Variants in PTER observed in about 807,000 individuals in gnomAD.
PTER encodes the protein N-acetyltaurine hydrolase.
Under a neutral mutation model 29.6 loss-of-function variants are expected in PTER, and 38 were observed. The observed-to-expected ratio is 1.28, with a 90% CI of 0.99 to 1.68. The LOEUF (loss-of-function observed/expected upper bound fraction) is 1.68, where lower values mean the gene tolerates loss of function less well. Ranked by LOEUF, PTER falls within the 40% of genes most tolerant of loss-of-function variation. The pLI is 0.00. For missense variants in PTER, 482 were observed against 427.8 expected, an observed-to-expected ratio of 1.13 and a Z score of -1.12; for synonymous variants, 172 against 154.5, an observed-to-expected ratio of 1.11 and a Z score of -0.84.
Position 16,486,360 on chromosome 10 carries a change from T to C in PTER, c.441T>C (p.Asp147=), listed in dbSNP as rs1835693411. 1.9e-6 allele frequency: 3 copies of C among 1,613,006 alleles called. No homozygotes were observed. The highest frequency in any genetic ancestry group is 1.1e-5 in the South Asian group (1 of 91,014). The change falls in exon 3 of 5, where the codon GAT becomes GAC. Residue 147 remains aspartate, a synonymous_variant. Transcript: ENST00000535784. ...TRAMSVEQLT[D]VLMNEILHGA... ...TTCTCACTCTTCCTTAGCTTACCGA[T>C]GTCCTTATGAATGAAATTCTCCATG...
downstream of PTER, among the ~76,000 whole-genome samples, chr10:16,515,114 G>A (rs114791720): frequency 2.0e-3 from 309 of 151,592 alleles, 2 homozygotes; most frequent in African/African-American, 6.9e-3. Context: ...CTGTTTATGA[G>A]TACAGAAGTT....
downstream of PTER, among the ~76,000 whole-genome samples, chr10:16,518,474 TG>T (rs1280526832): frequency 9.8e-5 from 15 of 152,336 alleles, no homozygotes; most frequent in Admixed American, 2.0e-4. Flanking sequence ...GGAATGTGTG[TG>T]CTAGTGTGAT....
rs962123715 is a variant in PTER, at chr10:16,437,662, G to A, written c.-49+615G>A. Among the ~76,000 whole-genome samples the A allele has an allele frequency of 3.3e-5, 5 of 152,140 alleles. No homozygotes were observed. In the East Asian group the frequency reaches 7.7e-4, roughly 24 times the overall value. On this transcript the variant is annotated intron_variant, in intron 1 of 4. Transcript: ENST00000535784. ...CAGTTTATAAAAGCCAATTACCAGC[G>A]GTCATATGTCTGAGTCCTGTGCACT...
At chr10:16,503,496 C>T (rs1023109363) in intron 3 of PTER, among the ~76,000 whole-genome samples, 2 of 152,120 alleles carry the variant, frequency 1.3e-5, no homozygotes, top group African/African-American at 4.8e-5. Flanking sequence ...CCTCCGTCTC[C>T]CAGGTTCAAG....
At chr10:16,470,723 G>T (rs894660546) in intron 1 of PTER, among the ~76,000 whole-genome samples, 26 of 152,206 alleles carry the variant, frequency 1.7e-4, no homozygotes, top group Admixed American at 1.2e-3. Flanking sequence ...AGCCAAGATT[G>T]TGCCACTCCA....
chr10:16,455,496 G>C (rs1834362840), intron 1 of PTER, among the ~76,000 whole-genome samples: 1 of 152,114 alleles, frequency 6.6e-6, no homozygotes, highest in Non-Finnish European at 1.5e-5. Flanking sequence ...TTTGAGACCA[G>C]CCTGGGCAAC....
intron 3 of PTER, among the ~76,000 whole-genome samples, chr10:16,500,808 A>G (rs971710222): frequency 2.4e-4 from 37 of 151,662 alleles, no homozygotes; most frequent in Admixed American, 2.2e-3. Context: ...TGGTGTGACC[A>G]TAGGTCACTG....
chr10:16,465,088 A>T (rs1834759543), intron 1 of PTER, among the ~76,000 whole-genome samples: 1 of 152,172 alleles, frequency 6.6e-6, no homozygotes, highest in Admixed American at 6.5e-5. Flanking sequence ...CCTCCATGAC[A>T]TATGGGAATT....
intron 1 of PTER, among the ~76,000 whole-genome samples, chr10:16,475,614 G>GCCCTAACC (rs1835232250): frequency 1.3e-5 from 2 of 152,120 alleles, no homozygotes; most frequent in South Asian, 4.1e-4. Context: ...GTAGAAGGGG[G>GCCCTAACC]CTACACAAGG....
At chr10:16,455,591 T>C (rs574661036) in intron 1 of PTER, among the ~76,000 whole-genome samples, 46 of 152,260 alleles carry the variant, frequency 3.0e-4, no homozygotes, top group Admixed American at 1.5e-3. Context: ...CTCAGGAGGC[T>C]GAGCGAGGTG....
At chr10:16,465,040 A>G (rs1834757545) in intron 1 of PTER, among the ~76,000 whole-genome samples, 1 of 152,192 alleles carries the variant, frequency 6.6e-6, no homozygotes, top group Admixed American at 6.5e-5. Flanking sequence ...AGCATGAGAA[A>G]GACCCACCCC....
At chr10:16,441,486 G>C (rs550295698) in intron 1 of PTER, among the ~76,000 whole-genome samples, 1 of 152,256 alleles carries the variant, frequency 6.6e-6, no homozygotes, top group African/African-American at 2.4e-5. Context: ...TAATGTCCTA[G>C]GGGCAGTGTG....
chr10:16,461,853 T>C (rs1834624795), intron 1 of PTER, among the ~76,000 whole-genome samples: 1 of 152,242 alleles, frequency 6.6e-6, no homozygotes, highest in South Asian at 2.1e-4. Context: ...TTTCATTATA[T>C]GCATTTCCAT....
intron 1 of PTER, among the ~76,000 whole-genome samples, chr10:16,473,517 C>A (rs1835132200): frequency 1.3e-5 from 1 of 77,470 alleles, no homozygotes; most frequent in African/African-American, 4.3e-5. Flanking sequence ...GAGACTCCAT[C>A]CGAAAAAAAA....
chr10:16,508,970 A>G (rs1158640793), intron 4 of PTER, among the ~76,000 whole-genome samples: 1 of 152,186 alleles, frequency 6.6e-6, no homozygotes, highest in Non-Finnish European at 1.5e-5. Context: ...GGTGTTCAGC[A>G]CCAGAAATTC....
chr10:16,497,503 G>A (rs575416796), intron 3 of PTER, among the ~76,000 whole-genome samples: 1 of 152,262 alleles, frequency 6.6e-6, no homozygotes, highest in South Asian at 2.1e-4. Flanking sequence ...ACAGAGAATA[G>A]CACAAGATAG....
intron 3 of PTER, among the ~76,000 whole-genome samples, chr10:16,494,202 T>G (rs1161071177): frequency 1.3e-5 from 2 of 152,220 alleles, no homozygotes; most frequent in East Asian, 3.8e-4. Context: ...CTTCCTGGGA[T>G]GTATAAACTG....
chr10:16,514,677 C>T (rs1455424606), downstream of PTER: 1 of 1,613,606 alleles, frequency 6.2e-7, no homozygotes, highest in African/African-American at 1.3e-5. Flanking sequence ...TAATTCTGAT[C>T]AGCATCTTGG....
At chr10:16,480,776 A>C (rs990801440) in intron 1 of PTER, among the ~76,000 whole-genome samples, 1 of 152,230 alleles carries the variant, frequency 6.6e-6, no homozygotes, top group Non-Finnish European at 1.5e-5. Context: ...ACTCTCAGTG[A>C]AACTAAACTA....
Sources: gnomAD v4.1 joint callset for allele counts (sites outside exome capture counted in the v4.1 genomes callset) on GRCh38, gnomAD v4.1.1 for gene constraint, MANE v1.5 for transcripts, NCBI Gene and HGNC (gene_info 2026-07-23, HGNC 2026-07-21) for gene names.